Variants in SVIL observed in about 807,000 individuals in gnomAD.
SVIL encodes archvillin.
Under a neutral mutation model 240.4 loss-of-function variants are expected in SVIL, and 101 were observed. The observed-to-expected ratio is 0.42, with a 90% confidence interval of 0.36 to 0.50. The LOEUF (loss-of-function observed/expected upper bound fraction) is 0.50, where lower values mean the gene tolerates loss of function less well. Ranked by LOEUF, SVIL falls within the 20% of genes least tolerant of loss-of-function variation. SVIL has a pLI of 0.01. For missense variants in SVIL, 2,512 were observed against 2,818.7 expected (o/e 0.89, Z 2.46); for synonymous variants, 999 against 1,100.0 (o/e 0.91, Z 1.82).
At chr10:29,614,150 A>T (rs1281646780) in intron 1 of SVIL, among the ~76,000 whole-genome samples, 1 of 152,232 alleles carries the variant, frequency 6.6e-6, no homozygotes, top group African/African-American at 2.4e-5. Context: ...AAAGGATATT[A>T]AATCATTTCC....
intron 1 of SVIL, among the ~76,000 whole-genome samples, chr10:29,597,768 C>G (rs550367956): frequency 6.6e-6 from 1 of 151,930 alleles, no homozygotes; most frequent in South Asian, 2.1e-4. Context: ...GCTTGATGCC[C>G]CTCAGTTGAA....
Position 29,665,963 on chromosome 10 carries a change from C to T in SVIL, c.-300-7895G>A, listed in dbSNP as rs1381024923. Among the ~76,000 whole-genome samples, 3 of 152,256 alleles carry T rather than the reference C, an allele frequency of 2.0e-5. No homozygotes were observed. In the East Asian group the frequency reaches 5.8e-4, roughly 29 times the overall value. On this transcript the variant is annotated intron_variant, in intron 2 of 35. Transcript: ENST00000375400. ...ATGGGTCCTGATTGATCCTGGATGA[C>T]TTTCACCTCCTTTCTCAAGGTTTAA...
At chr10:29,685,361 G>C (rs893296445) in intron 2 of SVIL, among the ~76,000 whole-genome samples, 1 of 152,184 alleles carries the variant, frequency 6.6e-6, no homozygotes, top group African/African-American at 2.4e-5. Context: ...TCTTGCTATT[G>C]AGAATGGTGT....
chr10:29,586,710 A>AT (rs1956179932), intron 1 of SVIL, among the ~76,000 whole-genome samples: 2 of 152,352 alleles, frequency 1.3e-5, no homozygotes, highest in East Asian at 3.9e-4. Context: ...CTACGCAGCC[A>AT]TAAAAAAGAA....
intron 1 of SVIL, among the ~76,000 whole-genome samples, chr10:29,703,741 T>C (rs541398852): frequency 4.6e-5 from 7 of 152,290 alleles, no homozygotes; most frequent in Admixed American, 6.5e-5. Context: ...TGACAAACAG[T>C]TGGGGAAAGT....
At chr10:29,732,600 T>C (rs1002617046) in intron 1 of SVIL, among the ~76,000 whole-genome samples, 4 of 152,214 alleles carry the variant, frequency 2.6e-5, no homozygotes, top group African/African-American at 9.6e-5. Flanking sequence ...AGATCATACA[T>C]AGTTGACCAT....
intron 1 of SVIL, among the ~76,000 whole-genome samples, chr10:29,696,242 A>G (rs1961980651): frequency 6.6e-6 from 1 of 151,854 alleles, no homozygotes; most frequent in Admixed American, 6.6e-5. Flanking sequence ...ACGGAGTCTC[A>G]TTCACTTAGT....
intron 1 of SVIL, among the ~76,000 whole-genome samples, chr10:29,579,556 C>T (rs1284554634): frequency 2.6e-5 from 4 of 152,196 alleles, no homozygotes; most frequent in Non-Finnish European, 5.9e-5. Flanking sequence ...TGTCACCTCC[C>T]AAATTGACAA....
rs769551798 is a variant in SVIL, at chr10:29,523,738, C to T, written c.2876G>A (p.Arg959Gln). 27 of 1,614,102 alleles carry T rather than the reference C, an allele frequency of 1.7e-5. No individual in the cohort carries two copies. Among genetic ancestry groups the T allele is most frequent in the South Asian group, 2.2e-5 (2 of 91,092 alleles). Residue 959 changes from arginine to glutamine, a missense_variant, in exon 15 of 38, where the codon CGA becomes CAA. By Grantham distance (43) the Arg-to-Gln change is conservative. Around this residue, in one of 3 missense-constraint regions of SVIL, gnomAD observed 1,443 missense variants for 1,486.6 expected, o/e 0.97. Coordinates refer to ENST00000355867, the MANE Select transcript of SVIL (RefSeq NM_021738.3). The stretch of plus-strand genomic sequence containing the variant: ...CCCATACTTCTCCATCCCACTGTCT[C>T]GACCTGTCAAAGCTCTCTTGCTTTC... ...ETESKRALTG[R>Q]DSGMEKYGSF...
intron 1 of SVIL, among the ~76,000 whole-genome samples, chr10:29,586,996 CAT>C (rs1456882934): frequency 2.6e-5 from 4 of 152,200 alleles, no homozygotes; most frequent in African/African-American, 9.7e-5. Flanking sequence ...CCCCATAACA[CAT>C]GTTTACCTAT....
chr10:29,625,497 T>G (rs893531343), intron 1 of SVIL, among the ~76,000 whole-genome samples: 1 of 152,168 alleles, frequency 6.6e-6, no homozygotes, highest in African/African-American at 2.4e-5. Flanking sequence ...GGAGTCTCAC[T>G]CTGTTGCCCA....
intron 1 of SVIL, among the ~76,000 whole-genome samples, chr10:29,719,248 A>G (rs1304205526): frequency 6.6e-6 from 1 of 152,238 alleles, no homozygotes; most frequent in Non-Finnish European, 1.5e-5. Context: ...GACCTTAAGC[A>G]ATAGGATATA....
intron 1 of SVIL, among the ~76,000 whole-genome samples, chr10:29,619,067 A>AACCATG (rs1479947568): frequency 6.6e-6 from 1 of 152,182 alleles, no homozygotes; most frequent in Non-Finnish European, 1.5e-5. Context: ...ACACAGAACA[A>AACCATG]ACCATGGCCA....
chr10:29,720,774 T>C (rs1306718726), intron 1 of SVIL, among the ~76,000 whole-genome samples: 1 of 152,246 alleles, frequency 6.6e-6, no homozygotes, highest in Non-Finnish European at 1.5e-5. Flanking sequence ...GTAATGTTCT[T>C]ATATGATATG....
intron 2 of SVIL, among the ~76,000 whole-genome samples, chr10:29,680,057 T>G (rs1387375552): frequency 6.6e-6 from 1 of 152,048 alleles, no homozygotes; most frequent in Non-Finnish European, 1.5e-5. Context: ...TAGTTGCATG[T>G]GCCTGTCATC....
At chr10:29,460,263 G>C (rs778757483) in intron 36 of SVIL, among the ~76,000 whole-genome samples, 5 of 152,268 alleles carry the variant, frequency 3.3e-5, no homozygotes, top group Non-Finnish European at 5.9e-5. Context: ...TGATAAATGA[G>C]AAAATCAGTG....
At chr10:29,581,444 GCATTA>G (rs1955941736) in intron 1 of SVIL, among the ~76,000 whole-genome samples, 1 of 152,174 alleles carries the variant, frequency 6.6e-6, no homozygotes, top group South Asian at 2.1e-4. Flanking sequence ...ATAAAATGTT[GCATTA>G]CATCACTGCA....
intron 3 of SVIL, among the ~76,000 whole-genome samples, chr10:29,562,368 C>A (rs535388934): frequency 6.6e-6 from 1 of 152,314 alleles, no homozygotes; most frequent in South Asian, 2.1e-4. Flanking sequence ...AGTAATTCAC[C>A]AAACACGTGT....
chr10:29,643,509 C>T (rs1291857383), intron 3 of SVIL, among the ~76,000 whole-genome samples: 3 of 152,138 alleles, frequency 2.0e-5, no homozygotes, highest in East Asian at 1.9e-4. Context: ...CACCGATACA[C>T]CTGTATGAAT....
Sources: allele counts gnomAD v4.1 joint callset (sites outside exome capture counted in the v4.1 genomes callset), GRCh38; gene constraint gnomAD v4.1.1; regional missense constraint gnomAD v4.1.1; transcripts MANE v1.5; gene names NCBI Gene and HGNC (gene_info 2026-07-23, HGNC 2026-07-21).